PLPPR1: variants seen among roughly 807,000 people sequenced by gnomAD.
PLPPR1 encodes the protein phospholipid phosphatase related 1.
PLPPR1 carries 10 observed loss-of-function variants against 33.1 expected under a neutral mutation model. The ratio of observed to expected loss-of-function variants is 0.30; its 90% CI spans 0.19 to 0.51. PLPPR1 has a LOEUF of 0.51. PLPPR1 is among the 20% of genes least tolerant of loss of function. PLPPR1 has a pLI of 0.97. For synonymous variants in PLPPR1, 151 were observed against 151.0 expected (o/e 1.00, Z 0.00); for missense variants, 304 against 408.1 (o/e 0.74, Z 2.20).
chr9:101,272,547 T>A (rs934454559), intron 3 of PLPPR1, among the ~76,000 whole-genome samples: 2 of 152,096 alleles, frequency 1.3e-5, no homozygotes, highest in Non-Finnish European at 2.9e-5. Flanking sequence ...AAGTAAAGAC[T>A]GCAAAAAAGT....
intron 1 of PLPPR1, among the ~76,000 whole-genome samples, chr9:101,042,267 C>A (rs184557131): frequency 6.6e-6 from 1 of 152,146 alleles, no homozygotes; most frequent in African/African-American, 2.4e-5. Context: ...AATCTTTTCC[C>A]TCTCTCACAA....
chr9:101,172,749 A>C (rs142090578), intron 1 of PLPPR1, among the ~76,000 whole-genome samples: 182 of 152,008 alleles, frequency 1.2e-3, no homozygotes, highest in African/African-American at 4.3e-3. Context: ...TCCCAGCTCT[A>C]TCTACCCAAC....
At chr9:101,270,093 C>T (rs1453324905) in intron 3 of PLPPR1, 25 bp downstream of exon 3, 11 of 1,609,386 alleles carry the variant, frequency 6.8e-6, no homozygotes, top group South Asian at 1.1e-5. Context: ...AGACTTTCCT[C>T]TTTATTGTCA....
intron 1 of PLPPR1, among the ~76,000 whole-genome samples, chr9:101,127,464 T>C (rs1270602018): frequency 6.6e-6 from 1 of 152,152 alleles, no homozygotes; most frequent in Non-Finnish European, 1.5e-5. Context: ...AAACAGGTGG[T>C]GAGAATGTGG....
chr9:101,046,474 A>G (rs117287793), intron 1 of PLPPR1, among the ~76,000 whole-genome samples: 4,768 of 122,888 alleles, frequency 0.039, 190 homozygotes, highest in East Asian at 0.15. Flanking sequence ...GAGTCTCGCC[A>G]TGTCGCCCAG....
chr9:101,067,543 G>A (rs1243031903), intron 1 of PLPPR1, among the ~76,000 whole-genome samples: 1 of 152,058 alleles, frequency 6.6e-6, no homozygotes, highest in Non-Finnish European at 1.5e-5. Context: ...GGAAGTTAGA[G>A]GATGAGTAAC....
chr9:101,231,524 T>A (rs572233516), intron 2 of PLPPR1, among the ~76,000 whole-genome samples: 1 of 152,096 alleles, frequency 6.6e-6, no homozygotes, highest in South Asian at 2.1e-4. Context: ...AAATGTCTTA[T>A]GTGATTATCC....
intron 4 of PLPPR1, among the ~76,000 whole-genome samples, chr9:101,294,748 A>C (rs563808110): frequency 6.6e-6 from 1 of 152,284 alleles, no homozygotes; most frequent in Admixed American, 6.5e-5. Context: ...GACAAAATTC[A>C]ACAACCTTCA....
chr9:101,039,914 T>C (rs1275389616), intron 1 of PLPPR1, among the ~76,000 whole-genome samples: 1 of 109,288 alleles, frequency 9.2e-6, no homozygotes. Context: ...CCAAACCGTA[T>C]TGCCTCCTAA....
chr9:101,319,654 T>TTTA (rs1829118062), intron 7 of PLPPR1, among the ~76,000 whole-genome samples: 1 of 152,198 alleles, frequency 6.6e-6, no homozygotes, highest in Non-Finnish European at 1.5e-5. Flanking sequence ...ATACAGCCTG[T>TTTA]TGCTACAGGT....
intron 2 of PLPPR1, among the ~76,000 whole-genome samples, chr9:101,186,484 T>C (rs572407806): frequency 6.6e-6 from 1 of 151,822 alleles, no homozygotes; most frequent in Admixed American, 6.6e-5. Flanking sequence ...TTAGGCTGAC[T>C]GTGGGAGAAA....
At position 101,249,522 on chromosome 9, in the gene PLPPR1, C is replaced by T. The variant is rs574021432; in HGVS notation, c.64-20358C>T. ...CATAATCATGGATGGAGGAGGGTGG[C>T]GCATATAGCATGTTTTTGTCATTTC... On this transcript the variant is annotated intron_variant, in intron 2 of 7. Coordinates refer to ENST00000374874, the MANE Select transcript of PLPPR1 (RefSeq NM_207299.2). Among the ~76,000 whole-genome samples, 161 of 152,058 alleles carry T rather than the reference C, an allele frequency of 1.1e-3. 12 individuals are homozygous for T. The highest frequency in any genetic ancestry group is 3.9e-4 in the Admixed American group (6 of 15,244).
At chr9:101,307,089 T>C (rs907337258) in intron 4 of PLPPR1, among the ~76,000 whole-genome samples, 28 of 152,098 alleles carry the variant, frequency 1.8e-4, no homozygotes, top group African/African-American at 6.8e-4. Context: ...CAGAATGAAG[T>C]GGTTGGACAG....
At chr9:101,202,066 C>A (rs1243043640) in intron 2 of PLPPR1, among the ~76,000 whole-genome samples, 1 of 152,174 alleles carries the variant, frequency 6.6e-6, no homozygotes, top group Non-Finnish European at 1.5e-5. Flanking sequence ...CAGGTCCAAC[C>A]AGTTTGGAGG....
intron 1 of PLPPR1, among the ~76,000 whole-genome samples, chr9:101,149,555 G>T (rs371276785): frequency 4.6e-4 from 70 of 152,200 alleles, no homozygotes; most frequent in African/African-American, 1.6e-3. Context: ...GAATAGTTTG[G>T]CTGGTTATAA....
intron 1 of PLPPR1, among the ~76,000 whole-genome samples, chr9:101,130,858 A>G (rs1038545310): frequency 4.6e-5 from 7 of 152,158 alleles, no homozygotes; most frequent in Non-Finnish European, 7.3e-5. Flanking sequence ...AGTACTTGAA[A>G]AAGTATGTGT....
intron 4 of PLPPR1, among the ~76,000 whole-genome samples, chr9:101,295,888 A>G (rs1345869285): frequency 3.4e-5 from 5 of 148,170 alleles, no homozygotes; most frequent in East Asian, 2.0e-4. Flanking sequence ...GGACATAGGC[A>G]TGGGCAAGGA....
At position 101,144,268 on chromosome 9, in the gene PLPPR1, G is replaced by A. The variant is rs116800415; in HGVS notation, c.-45-41182G>A. Among the ~76,000 whole-genome samples the A allele has an allele frequency of 7.6e-3, 1,158 of 152,214 alleles. 9 individuals carry two copies. The highest frequency in any genetic ancestry group is 0.024 in the African/African-American group (1,004 of 41,512). On this transcript the variant is annotated intron_variant, in intron 1 of 7. Coordinates refer to ENST00000374874, the MANE Select transcript of PLPPR1 (RefSeq NM_207299.2). ...ACATCACACACCGGGGCCTGTTGGG[G>A]GTGGGGAGCGGGGAGGGATAGCATT...
intron 2 of PLPPR1, among the ~76,000 whole-genome samples, chr9:101,240,821 T>C (rs1455698917): frequency 2.0e-5 from 3 of 152,074 alleles, no homozygotes; most frequent in African/African-American, 7.2e-5. Context: ...TGTCATTCCA[T>C]TGAGTGCCCT....
Sources: gnomAD v4.1 joint callset for allele counts (sites outside exome capture counted in the v4.1 genomes callset) on GRCh38, gnomAD v4.1.1 for gene constraint, MANE v1.5 for transcripts, NCBI Gene and HGNC (gene_info 2026-07-23, HGNC 2026-07-21) for gene names.